Variants in PIEZO2 observed in about 807,000 individuals in gnomAD.
The protein encoded by PIEZO2 is piezo type mechanosensitive ion channel component 2, also known as piezo-type mechanosensitive ion channel component 2.
Under a neutral mutation model 337.3 loss-of-function variants are expected in PIEZO2, and 172 were observed. The ratio of observed to expected loss-of-function variants is 0.51; its 90% CI spans 0.45 to 0.58. PIEZO2 has a LOEUF of 0.58. Ranked by LOEUF, PIEZO2 falls within the 20% of genes least tolerant of loss-of-function variation. The pLI, the probability that PIEZO2 is intolerant of heterozygous loss-of-function variation, is 0.00. For missense variants in PIEZO2, 3,028 were observed against 3,391.3 expected (o/e 0.89, Z 2.66); for synonymous variants, 1,251 against 1,228.5 (o/e 1.02, Z -0.38).
chr18:10,681,809 G>A, intron 50 of PIEZO2, 56 bp from the exon 51 acceptor site: 1 of 1,406,788 alleles, frequency 7.1e-7, no homozygotes, highest in East Asian at 2.3e-5. Context: ...TCTGCATCCT[G>A]AGTCAAAAGA....
chr18:11,086,984 C>G (rs1446806637), intron 1 of PIEZO2, among the ~76,000 whole-genome samples: 1 of 152,134 alleles, frequency 6.6e-6, no homozygotes, highest in Non-Finnish European at 1.5e-5. Context: ...CCCAAAATTC[C>G]TATGTTGAAT....
In PIEZO2 at chr18:10,781,474, A is replaced by T. The variant is rs371904495; in HGVS notation, c.2493-1108T>A. Among the ~76,000 whole-genome samples, 4 of 53,602 alleles carry T rather than the reference A, an allele frequency of 7.5e-5. No homozygotes were observed. The highest frequency in any genetic ancestry group is 5.4e-4 in the East Asian group (1 of 1,868). The allele number at this position is 53,602 out of a possible 152,430, so 35.2% of individuals were successfully genotyped here. On this transcript the variant is annotated intron_variant, in intron 17 of 55. Coordinates refer to ENST00000674853, the MANE Select transcript of PIEZO2 (RefSeq NM_001378183.1). This position sits in a 1 kb window ranked among gnomAD's most constrained non-coding sequence, Gnocchi z 4.1. ...AACAGAGCGAGACTCCGTTTCAAAT[A>T]AAAAAAAAAACCAGTAATGAATATT...
rs2038482891 is a variant in PIEZO2 at position 11,075,054 on chromosome 18, G to C, written c.65-8832C>G. Among the ~76,000 whole-genome samples the C allele has an allele frequency of 2.0e-5, 3 of 151,244 alleles. No homozygotes were observed. In the South Asian group the frequency reaches 6.3e-4, roughly 32 times the overall value. ...CCATTTCTACTAAGTGTGTTTTAAT[G>C]CTCTTTATTGCCTCAAGGAGCTTTG... On this transcript the variant is annotated intron_variant, in intron 1 of 55. Coordinates refer to ENST00000674853, the MANE Select transcript of PIEZO2 (RefSeq NM_001378183.1).
At chr18:11,136,860 T>G (rs1338297936) in intron 1 of PIEZO2, among the ~76,000 whole-genome samples, 1 of 152,232 alleles carries the variant, frequency 6.6e-6, no homozygotes, top group Non-Finnish European at 1.5e-5. Flanking sequence ...TGCAACTGAT[T>G]ACATTCAGTA....
chr18:11,119,051 T>C (rs2039963568), intron 1 of PIEZO2, among the ~76,000 whole-genome samples: 1 of 152,086 alleles, frequency 6.6e-6, no homozygotes, highest in Admixed American at 6.6e-5. Context: ...AATAAGAGAG[T>C]TGAATCTACA....
chr18:11,046,788 A>C (rs1482263894), intron 2 of PIEZO2, among the ~76,000 whole-genome samples: 4 of 152,238 alleles, frequency 2.6e-5, no homozygotes, highest in African/African-American at 9.6e-5. Flanking sequence ...CCAGGACTTG[A>C]CAGATACAAT....
intron 1 of PIEZO2, among the ~76,000 whole-genome samples, chr18:11,122,121 T>A (rs1306374788): frequency 6.6e-6 from 1 of 151,776 alleles, no homozygotes; most frequent in Admixed American, 6.6e-5. Flanking sequence ...GCCCAGCTAA[T>A]TTTTTTTGTA....
At chr18:10,745,671 C>T (rs1433690218) in intron 30 of PIEZO2, among the ~76,000 whole-genome samples, 2 of 152,134 alleles carry the variant, frequency 1.3e-5, no homozygotes, top group African/African-American at 2.4e-5. Context: ...TTTTTTACAA[C>T]CTCTTTCTTT....
intron 2 of PIEZO2, among the ~76,000 whole-genome samples, chr18:11,014,689 G>A (rs982438231): frequency 5.1e-4 from 75 of 148,292 alleles, no homozygotes; most frequent in Admixed American, 1.2e-3. Flanking sequence ...GTCACCCTGG[G>A]CGGGACAGCG....
chr18:10,853,558 G>A lies in PIEZO2; in HGVS notation c.917+1795C>T, dbSNP rs548175730. Among the ~76,000 whole-genome samples the A allele has an allele frequency of 6.6e-6, 1 of 152,152 alleles. No individual in the cohort carries two copies. The highest frequency in any genetic ancestry group is 1.5e-5 in the Non-Finnish European group (1 of 68,016). ...CTGCGAGACTCAGATGTGTTTCACT[G>A]CTAACATTACCATTTCTGTCCCCTT... On this transcript the variant is annotated intron_variant, in intron 7 of 55. Coordinates refer to ENST00000674853, the MANE Select transcript of PIEZO2 (RefSeq NM_001378183.1). This position sits in a 1 kb window ranked among gnomAD's most constrained non-coding sequence, Gnocchi z 4.2.
At chr18:10,755,393 T>A (rs978478510) in intron 27 of PIEZO2, among the ~76,000 whole-genome samples, 1 of 152,142 alleles carries the variant, frequency 6.6e-6, no homozygotes, top group East Asian at 1.9e-4. Flanking sequence ...ATTAGTCCCA[T>A]GATATACAGC....
At position 11,148,825 on chromosome 18, in the gene PIEZO2, T is replaced by TA. The variant is rs2040877041; in HGVS notation, c.-238dup. 2.3e-5 allele frequency: 10 copies of TA among 440,902 alleles called. No individual in the cohort carries two copies. The East Asian group carries it at 3.8e-4, about 17-fold the overall frequency. 27.3% of individuals were successfully genotyped at this position (440,902 alleles called of 1,614,324 possible). On this transcript the variant is annotated 5_prime_UTR_variant, in exon 1 of 56. An upstream open reading frame in the 5' UTR gains an earlier in-frame stop. Coordinates refer to ENST00000674853, the MANE Select transcript of PIEZO2 (RefSeq NM_001378183.1). The surrounding 1 kb of genome is among the most constrained non-coding windows in gnomAD (Gnocchi z 5.2). ...CCTCACCAGGCTCTTGGCGGCCACC[T>TA]AGCCCGGCGCCCGGCCCCCTGCGGC...
chr18:10,845,893 A>G (rs2041342893), intron 7 of PIEZO2, among the ~76,000 whole-genome samples: 1 of 152,224 alleles, frequency 6.6e-6, no homozygotes, highest in African/African-American at 2.4e-5. Context: ...AAAACTAAAT[A>G]TTTGCAAACA....
chr18:10,730,745 T>C (rs1206410813), intron 36 of PIEZO2, among the ~76,000 whole-genome samples: 1 of 152,156 alleles, frequency 6.6e-6, no homozygotes, highest in Non-Finnish European at 1.5e-5. Context: ...ATTTATTTTT[T>C]AGACGGGGTC....
intron 31 of PIEZO2, among the ~76,000 whole-genome samples, chr18:10,743,186 CTT>C (rs1213379899): frequency 6.6e-6 from 1 of 151,986 alleles, no homozygotes; most frequent in African/African-American, 2.4e-5. Context: ...TTATATATAA[CTT>C]ATGTCTTTAT....
intron 4 of PIEZO2, among the ~76,000 whole-genome samples, chr18:10,873,316 T>C (rs996875020): frequency 6.6e-6 from 1 of 152,166 alleles, no homozygotes; most frequent in African/African-American, 2.4e-5. Flanking sequence ...ATTATCCTTT[T>C]ACACGTGAAA....
intron 16 of PIEZO2, among the ~76,000 whole-genome samples, chr18:10,786,763 A>C (rs2039238461): frequency 6.6e-6 from 1 of 152,262 alleles, no homozygotes; most frequent in Non-Finnish European, 1.5e-5. Flanking sequence ...GAGGGCAGAA[A>C]GCACGACTAA....
At chr18:10,693,074 A>G (rs2034921306) in intron 47 of PIEZO2, among the ~76,000 whole-genome samples, 1 of 152,136 alleles carries the variant, frequency 6.6e-6, no homozygotes, top group African/African-American at 2.4e-5. Context: ...TTATATTTTC[A>G]TTGTACAAGT....
At chr18:10,871,550 G>C (rs2042141918) in intron 4 of PIEZO2, 135 bp from the exon 5 acceptor site, 1 of 859,150 alleles carries the variant, frequency 1.2e-6, no homozygotes, top group Non-Finnish European at 1.7e-6. Context: ...AAAGGTACAA[G>C]AAAGCTTTTT....
Sources: allele counts gnomAD v4.1 joint callset (sites outside exome capture counted in the v4.1 genomes callset), GRCh38; gene constraint gnomAD v4.1.1; non-coding constraint Gnocchi (gnomAD v3.1); transcripts MANE v1.5; gene names NCBI Gene and HGNC (gene_info 2026-07-23, HGNC 2026-07-21).